The following PPP6R2 variants were observed in gnomAD, a reference collection of about 807,000 sequenced individuals.
PPP6R2 encodes the protein protein phosphatase 6 regulatory subunit 2.
A neutral mutation model predicts 100.2 loss-of-function variants in PPP6R2; 62 were observed. The ratio of observed to expected loss-of-function variants is 0.62; its 90% CI spans 0.50 to 0.76. The LOEUF (loss-of-function observed/expected upper bound fraction) is 0.76, where lower values mean the gene tolerates loss of function less well. PPP6R2 is among the 30% of genes least tolerant of loss of function. The pLI is 0.00. For missense variants in PPP6R2, 1,142 were observed against 1,276.3 expected (o/e 0.89, Z 1.60); for synonymous variants, 525 against 514.7 (o/e 1.02, Z -0.27).
At chr22:50,370,501 C>T (rs550305958) in intron 1 of PPP6R2, among the ~76,000 whole-genome samples, 1 of 151,676 alleles carries the variant, frequency 6.6e-6, no homozygotes, top group Non-Finnish European at 1.5e-5. Flanking sequence ...GTTGGCCAGA[C>T]TGGTCTCGAA....
chr22:50,343,949 C>T (rs550384095), intron 1 of PPP6R2, among the ~76,000 whole-genome samples: 227 of 15,040 alleles, frequency 0.015, 7 homozygotes, highest in Non-Finnish European at 0.022. Flanking sequence ...GTCAGTGCCC[C>T]CTCCAGTCAG....
intron 6 of PPP6R2, 74 bp downstream of exon 6, chr22:50,416,231 A>AGGGGGCGAGG: frequency 3.7e-6 from 5 of 1,360,768 alleles, no homozygotes; most frequent in Non-Finnish European, 5.2e-6. Flanking sequence ...GCTGCGGGCC[A>AGGGGGCGAGG]GGGGGCGAGG....
At chr22:50,372,962 C>A (rs1295627565) in intron 2 of PPP6R2, among the ~76,000 whole-genome samples, 1 of 152,062 alleles carries the variant, frequency 6.6e-6, no homozygotes, top group East Asian at 1.9e-4. Context: ...GCTGGGATAG[C>A]AGGCGTGAGC....
intron 4 of PPP6R2, among the ~76,000 whole-genome samples, chr22:50,414,339 C>G (rs1464774381): frequency 2.2e-5 from 1 of 44,666 alleles, no homozygotes; most frequent in African/African-American, 1.0e-4. Flanking sequence ...TGGCCCCCCC[C>G]CCCCCCCCCC....
intron 1 of PPP6R2, among the ~76,000 whole-genome samples, chr22:50,353,778 A>G (rs1224501311): frequency 6.6e-6 from 1 of 151,486 alleles, no homozygotes; most frequent in Non-Finnish European, 1.5e-5. Context: ...GATAGAGGCA[A>G]GATTTGTACC....
At chr22:50,430,798 C>T (rs569064099) in intron 10 of PPP6R2, among the ~76,000 whole-genome samples, 9 of 147,838 alleles carry the variant, frequency 6.1e-5, no homozygotes, top group Non-Finnish European at 1.3e-4. Context: ...CACTTGAACC[C>T]AGGAGGCAGG....
At chr22:50,429,918 G>A (rs2062829888) in intron 10 of PPP6R2, among the ~76,000 whole-genome samples, 1 of 152,220 alleles carries the variant, frequency 6.6e-6, no homozygotes. Context: ...AGAACATGAA[G>A]CAAATGAGCC....
At chr22:50,370,413 G>T (rs955182323) in intron 1 of PPP6R2, among the ~76,000 whole-genome samples, 1 of 151,520 alleles carries the variant, frequency 6.6e-6, no homozygotes, top group Non-Finnish European at 1.5e-5. Context: ...TCAGCCTCCC[G>T]AGGAGATGGG....
At chr22:50,396,835 G>T (rs536371244) in intron 3 of PPP6R2, among the ~76,000 whole-genome samples, 1 of 152,298 alleles carries the variant, frequency 6.6e-6, no homozygotes, top group African/African-American at 2.4e-5. Context: ...TCTAGCCTGA[G>T]CAGGGCCTTG....
intron 2 of PPP6R2, among the ~76,000 whole-genome samples, chr22:50,373,101 A>C (rs976941654): frequency 6.6e-6 from 1 of 152,182 alleles, no homozygotes; most frequent in Admixed American, 6.6e-5. Context: ...CACAGTTGCC[A>C]TTCAAACCAC....
intron 2 of PPP6R2, among the ~76,000 whole-genome samples, chr22:50,383,705 G>A (rs2053588576): frequency 6.6e-6 from 1 of 152,084 alleles, no homozygotes; most frequent in Non-Finnish European, 1.5e-5. Flanking sequence ...CTGCCACTGG[G>A]AAATGAGAGG....
At chr22:50,429,431 G>A (rs904461256) in intron 10 of PPP6R2, among the ~76,000 whole-genome samples, 24 of 152,242 alleles carry the variant, frequency 1.6e-4, no homozygotes, top group African/African-American at 4.6e-4. Flanking sequence ...ATTTTCATAC[G>A]TCGATCCATC....
intron 4 of PPP6R2, among the ~76,000 whole-genome samples, chr22:50,410,193 G>C (rs1053241781): frequency 6.6e-6 from 1 of 152,006 alleles, no homozygotes; most frequent in African/African-American, 2.4e-5. Context: ...ATTTTGATGA[G>C]GTTTGCATTG....
chr22:50,405,558 T>C (rs1416381812), intron 3 of PPP6R2, among the ~76,000 whole-genome samples: 7 of 66,148 alleles, frequency 1.1e-4, no homozygotes, highest in East Asian at 4.8e-4. Flanking sequence ...TGGAGAGAGG[T>C]GAGAGGCCTG....
intron 3 of PPP6R2, among the ~76,000 whole-genome samples, chr22:50,404,504 C>T (rs1222663255): frequency 2.0e-5 from 3 of 152,142 alleles, no homozygotes; most frequent in African/African-American, 7.2e-5. Flanking sequence ...CATCCTGCGC[C>T]TCCCGGGCTC....
At chr22:50,415,165 C>T (rs966120462) in intron 5 of PPP6R2, among the ~76,000 whole-genome samples, 1 of 152,224 alleles carries the variant, frequency 6.6e-6, no homozygotes, top group Non-Finnish European at 1.5e-5. Flanking sequence ...ACAGGTGCTA[C>T]AGTTCCCGAA....
chr22:50,422,238 C>T lies in PPP6R2; in HGVS notation c.846-16C>T, dbSNP rs763849731. 15 of 1,611,332 alleles carry T rather than the reference C, an allele frequency of 9.3e-6. No individual in the cohort carries two copies. Among genetic ancestry groups the T allele is most frequent in the Non-Finnish European group, 1.3e-5 (15 of 1,178,030 alleles). Reference sequence around the variant, plus strand: ...TCCTGGTGTCCCCGGTCTCCATCTGCTTTCCTCATCCACAGGACAGAGGGC... The same window carrying T: ...TCCTGGTGTCCCCGGTCTCCATCTGTTTTCCTCATCCACAGGACAGAGGGC... On this transcript the variant is annotated splice_polypyrimidine_tract_variant and intron_variant, in intron 8 of 23. Coordinates refer to ENST00000612753, the MANE Select transcript of PPP6R2 (RefSeq NM_001242898.2).
rs1334568113 is a variant in PPP6R2 at position 50,422,379 on chromosome 22, A to C, written c.971A>C (p.Lys324Thr). The stretch of plus-strand genomic sequence containing the variant: ...CACCAGCTCCTGCTCAACCCGCCCA[A>C]GGTAAATGGCCGTGGCGACTGCTGA... ...DFHQLLLNPP[K>T]KKAILTTIGV... The change falls in exon 9 of 24, where the codon AAG becomes ACG. Residue 324 changes from lysine to threonine, a missense_variant and splice_region_variant. Lys to Thr is a moderately conservative substitution (Grantham distance 78, BLOSUM62 -1). Coordinates refer to ENST00000612753, the MANE Select transcript of PPP6R2 (RefSeq NM_001242898.2). 6.2e-7 allele frequency: 1 copy of C among 1,613,940 alleles called. No individual in the cohort carries two copies. The highest frequency in any genetic ancestry group is 1.1e-5 in the South Asian group (1 of 91,040).
intron 1 of PPP6R2, among the ~76,000 whole-genome samples, chr22:50,364,270 G>A (rs58971390): frequency 1.3e-5 from 2 of 152,096 alleles, no homozygotes; most frequent in Non-Finnish European, 2.9e-5. Context: ...TGGGAACTTG[G>A]TATATGAGAG....
Sources: gnomAD v4.1 joint callset for allele counts (sites outside exome capture counted in the v4.1 genomes callset) on GRCh38, gnomAD v4.1.1 for gene constraint, MANE v1.5 for transcripts, NCBI Gene and HGNC (gene_info 2026-07-23, HGNC 2026-07-21) for gene names.